Variants in LATS2 observed in about 807,000 individuals in gnomAD.
LATS2 encodes large tumor suppressor kinase 2, also known as serine/threonine-protein kinase LATS2.
LATS2 carries 24 observed loss-of-function variants against 76.0 expected under a neutral mutation model. The ratio of observed to expected loss-of-function variants is 0.32; its 90% CI spans 0.23 to 0.44. The LOEUF (loss-of-function observed/expected upper bound fraction) is 0.44. Ranked by LOEUF, LATS2 falls within the 20% of genes least tolerant of loss-of-function variation. LATS2 has a pLI of 1.00. For missense variants in LATS2, 1,286 were observed against 1,481.2 expected (o/e 0.87, Z 2.16); for synonymous variants, 692 against 635.4 (o/e 1.09, Z -1.34).
intron 2 of LATS2, among the ~76,000 whole-genome samples, chr13:21,007,545 GTATATATATA>G (rs71090549): frequency 0.017 from 61 of 3,608 alleles, 5 homozygotes; most frequent in East Asian, 0.078. Flanking sequence ...TATATATATA[GTATATATATA>G]TATATATATA....
chr13:21,023,887 C>T (rs923780766), intron 2 of LATS2, among the ~76,000 whole-genome samples: 1 of 151,420 alleles, frequency 6.6e-6, no homozygotes, highest in East Asian at 1.9e-4. Context: ...GCAGGAGAAT[C>T]GCTTGAACCC....
intron 2 of LATS2, among the ~76,000 whole-genome samples, chr13:20,999,654 C>G (rs924174484): frequency 2.0e-5 from 3 of 152,022 alleles, no homozygotes; most frequent in Non-Finnish European, 2.9e-5. Context: ...GAGATGGGCT[C>G]TCACTGTAAC....
chr13:21,050,125 C>CAGACAGATAGAT lies in LATS2; in HGVS notation c.-204-3896_-204-3895insATCTATCTGTCT, dbSNP rs71306170. ...ACAGAGGGAGACTCTGTCTCATAGA[C>CAGACAGATAGAT]AGATAGATAGATAGATAGATAGATA... is the stretch of plus-strand genomic sequence containing the variant. On this transcript the variant is annotated intron_variant, in intron 1 of 7. Transcript: ENST00000382592. 2.0e-4 allele frequency among the ~76,000 whole-genome samples: 14 copies of CAGACAGATAGAT among 69,862 alleles called. 1 individual carries two copies. The highest frequency in any genetic ancestry group is 5.7e-3 in the Middle Eastern group (1 of 174). The allele number at this position is 69,862 out of a possible 152,430, so 45.8% of individuals were successfully genotyped here.
intron 2 of LATS2, among the ~76,000 whole-genome samples, chr13:21,007,587 A>AGTGT (rs1491345646): frequency 1.3e-4 from 1 of 7,750 alleles, no homozygotes; most frequent in African/African-American, 1.1e-3. Context: ...ATATATATAT[A>AGTGT]GTATATATAT....
chr13:21,014,247 G>C (rs556475454), intron 2 of LATS2, among the ~76,000 whole-genome samples: 1 of 152,258 alleles, frequency 6.6e-6, no homozygotes, highest in East Asian at 1.9e-4. Context: ...CAAACCCAAG[G>C]CCTTTTCTTC....
intron 4 of LATS2, among the ~76,000 whole-genome samples, chr13:20,985,304 G>A (rs1870092001): frequency 6.6e-6 from 1 of 152,056 alleles, no homozygotes; most frequent in Non-Finnish European, 1.5e-5. Context: ...GCAGAGCAAA[G>A]GAAACAACAG....
At chr13:21,052,249 T>A (rs1873295760) in intron 1 of LATS2, among the ~76,000 whole-genome samples, 1 of 152,158 alleles carries the variant, frequency 6.6e-6, no homozygotes, top group African/African-American at 2.4e-5. Flanking sequence ...AGATTTATAA[T>A]AAGTTAGGCA....
intron 2 of LATS2, among the ~76,000 whole-genome samples, chr13:21,023,925 A>T (rs907716533): frequency 6.6e-6 from 1 of 151,656 alleles, no homozygotes; most frequent in African/African-American, 2.4e-5. Flanking sequence ...GGGAGACGAG[A>T]TCGCACCATT....
At chr13:21,055,497 A>G (rs890300360) in intron 1 of LATS2, among the ~76,000 whole-genome samples, 3 of 152,248 alleles carry the variant, frequency 2.0e-5, no homozygotes, top group South Asian at 4.1e-4. Context: ...CCCATGCTTA[A>G]TATAGGTGGC....
At position 20,973,137 on chromosome 13, in the gene LATS2, C is replaced by CT. The variant is rs1424209944; in HGVS notation, c.*1732dup. 3 of 232,154 alleles carry CT rather than the reference C, an allele frequency of 1.3e-5. No homozygotes were observed. Among genetic ancestry groups the CT allele is most frequent in the African/African-American group, 6.6e-5 (3 of 45,322 alleles). The allele number at this position is 232,154 out of a possible 1,614,324, so 14.4% of individuals were successfully genotyped here. On this transcript the variant is annotated 3_prime_UTR_variant, in exon 8 of 8. Transcript: ENST00000382592. ...TTAAACTGAGTTCCTGAGAAAGAAC[C>CT]TACCACATGAAAGTATGTCAGAGCG... is the stretch of plus-strand genomic sequence containing the variant.
intron 7 of LATS2, among the ~76,000 whole-genome samples, chr13:20,975,978 C>T (rs187675772): frequency 2.0e-5 from 3 of 152,292 alleles, no homozygotes; most frequent in Admixed American, 6.5e-5. Flanking sequence ...ACCATCATGA[C>T]GCTCATTCAA....
chr13:20,997,890 G>C (rs11618025), intron 2 of LATS2, among the ~76,000 whole-genome samples: 68,261 of 152,120 alleles, frequency 0.45, 17,456 homozygotes, highest in Non-Finnish European at 0.57. Context: ...ATTTCCTATG[G>C]AGATCCTCCC....
intron 2 of LATS2, among the ~76,000 whole-genome samples, chr13:21,000,165 A>G (rs756540056): frequency 2.0e-5 from 3 of 152,170 alleles, no homozygotes; most frequent in Admixed American, 1.3e-4. Context: ...GCAGATCACA[A>G]AGTTAGGAGA....
intron 2 of LATS2, among the ~76,000 whole-genome samples, chr13:21,041,065 T>C (rs1477047679): frequency 5.3e-5 from 8 of 152,010 alleles, no homozygotes; most frequent in African/African-American, 1.5e-4. Context: ...CTCCGCCTCC[T>C]GGGTTCACAC....
intron 7 of LATS2, among the ~76,000 whole-genome samples, chr13:20,976,049 C>T (rs1425012897): frequency 3.9e-5 from 6 of 152,170 alleles, no homozygotes; most frequent in Non-Finnish European, 8.8e-5. Context: ...GGAAAAACTT[C>T]ATAGGGAAGA....
chr13:21,033,461 A>G (rs1887894), intron 2 of LATS2, among the ~76,000 whole-genome samples: 97,417 of 151,356 alleles, frequency 0.64, 32,992 homozygotes, highest in Non-Finnish European at 0.76. Context: ...CGAGTTCAAT[A>G]CAGAAATACC....
At chr13:21,047,119 C>T (rs910586737) in intron 1 of LATS2, among the ~76,000 whole-genome samples, 1 of 152,186 alleles carries the variant, frequency 6.6e-6, no homozygotes, top group African/African-American at 2.4e-5. Flanking sequence ...ATTCTACCTA[C>T]CCCAGGCCTC....
intron 2 of LATS2, among the ~76,000 whole-genome samples, chr13:21,038,244 T>C (rs1872745703): frequency 6.6e-6 from 1 of 152,028 alleles, no homozygotes. Flanking sequence ...GAGAGGCCAG[T>C]GCATGAGGTG....
rs780905308 is a variant in LATS2 at position 20,988,499 on chromosome 13, G to T, written c.1281C>A (p.Pro427=). 16 of 1,552,770 alleles carry T rather than the reference G, an allele frequency of 1.0e-5. No homozygotes were observed. The highest frequency in any genetic ancestry group is 2.3e-5 in the East Asian group (1 of 42,930). Residue 427 remains proline (P), a synonymous_variant, in exon 4 of 8, where the codon CCC becomes CCA. Transcript: ENST00000382592. Reference sequence around the variant, plus strand: ...TGACAGCCGTCACGGTGTTGGGGGCGGGCAGGGAGGGCTCGGCCTTGCCAG... The same window carrying T: ...TGACAGCCGTCACGGTGTTGGGGGCTGGCAGGGAGGGCTCGGCCTTGCCAG... ...GPPGKAEPSL[P]APNTVTAVTA...
Sources: allele counts gnomAD v4.1 joint callset (sites outside exome capture counted in the v4.1 genomes callset), GRCh38; gene constraint gnomAD v4.1.1; transcripts MANE v1.5; gene names NCBI Gene and HGNC (gene_info 2026-07-23, HGNC 2026-07-21).